Variants in GLMN observed in about 807,000 individuals in gnomAD.
The protein encoded by GLMN is glomulin.
GLMN carries 75 observed loss-of-function variants against 87.8 expected under a neutral mutation model. The observed-to-expected ratio is 0.85, with a 90% CI of 0.71 to 1.04. The LOEUF (loss-of-function observed/expected upper bound fraction) is 1.04, where lower values mean the gene tolerates loss of function less well. Ranked by LOEUF, GLMN falls within the 50% of genes least tolerant of loss-of-function variation. The probability of loss-of-function intolerance (pLI) is 0.00; values close to 1 mark genes in which losing one functional copy is unlikely to be tolerated. For missense variants in GLMN, 588 were observed against 658.8 expected, an observed-to-expected ratio of 0.89 and a Z score of 1.18; for synonymous variants, 206 against 221.6, an observed-to-expected ratio of 0.93 and a Z score of 0.63.
the GLMN span, among the ~76,000 whole-genome samples, chr1:92,366,557 CA>C: frequency 6.6e-6 from 1 of 152,110 alleles, no homozygotes; most frequent in African/African-American, 2.4e-5. Context: ...CCAGGGGCCA[CA>C]TGTGAGACAG....
rs768357425 is a variant in GLMN, at chr1:92,268,114, G to A, written c.999C>T (p.Ser333=). The A allele has an allele frequency of 6.9e-7, 1 of 1,448,086 alleles. No individual in the cohort carries two copies. The highest frequency in any genetic ancestry group is 9.7e-7 in the Non-Finnish European group (1 of 1,029,812). The allele number at this position is 1,448,086 out of a possible 1,614,324, so 89.7% of individuals were successfully genotyped here. A position where few individuals can be genotyped will look rare whatever the true frequency, so the allele number is the denominator to read the frequency against. Residue 333 remains serine (S), a synonymous_variant, in exon 10 of 19, where the codon TCC becomes TCT. Transcript: ENST00000370360. The part of the protein sequence containing the change: ...FLQRTEESVI[S]KGLELLENSL... ...GGAACAAACATCTTACCAATCCTTTGGAGATAACAGACTCTTCTGTTCTGA... is the reference window on the plus strand; with the variant it reads ...GGAACAAACATCTTACCAATCCTTTAGAGATAACAGACTCTTCTGTTCTGA...
chr1:92,323,671 A>G, the GLMN span: 1 of 1,613,740 alleles, frequency 6.2e-7, no homozygotes, highest in East Asian at 2.2e-5. Context: ...AATGAAAAAG[A>G]AAGCTGGTCA....
intron 5 of GLMN, 74 bp downstream of exon 5, chr1:92,290,124 T>C (rs945242622): frequency 2.3e-5 from 20 of 857,146 alleles, no homozygotes; most frequent in African/African-American, 6.6e-5. Flanking sequence ...TGGTGTAGTA[T>C]TGACATTTTG....
upstream of GLMN, among the ~76,000 whole-genome samples, chr1:92,302,152 C>G (rs1347674050): frequency 6.6e-6 from 1 of 152,052 alleles, no homozygotes; most frequent in Non-Finnish European, 1.5e-5. Context: ...TGGCTCATGC[C>G]TGTAATCCCA....
At chr1:92,313,314 T>A in the GLMN span, among the ~76,000 whole-genome samples, 37 of 152,330 alleles carry the variant, frequency 2.4e-4, 1 homozygote, top group African/African-American at 8.7e-4. Flanking sequence ...AAATTACTCC[T>A]TGACCCATGG....
the GLMN span, among the ~76,000 whole-genome samples, chr1:92,304,798 T>G: frequency 4.6e-5 from 7 of 152,144 alleles, no homozygotes; most frequent in African/African-American, 1.4e-4. Context: ...TATACATAGA[T>G]CAATTTTAGG....
At chr1:92,270,832 G>A (rs1388339370) in intron 8 of GLMN, among the ~76,000 whole-genome samples, 1 of 152,060 alleles carries the variant, frequency 6.6e-6, no homozygotes, top group Non-Finnish European at 1.5e-5. Flanking sequence ...CATATACAAA[G>A]GCCAAATAGG....
intron 9 of GLMN, 147 bp downstream of exon 9, chr1:92,269,576 C>G (rs1656016758): frequency 1.6e-6 from 1 of 640,920 alleles, no homozygotes. Flanking sequence ...ATTTCTGTCT[C>G]TCTCGTGAAT....
chr1:92,347,407 G>A, the GLMN span, among the ~76,000 whole-genome samples: 1 of 152,116 alleles, frequency 6.6e-6, no homozygotes, highest in Non-Finnish European at 1.5e-5. Context: ...CTGTAGTTCT[G>A]CAATTCATTA....
chr1:92,346,163 T>C, the GLMN span, among the ~76,000 whole-genome samples: 2 of 147,066 alleles, frequency 1.4e-5, no homozygotes, highest in African/African-American at 2.7e-5. Flanking sequence ...TTTTCATCTC[T>C]TTTTTGTTTT....
At chr1:92,264,191 T>C (rs543587891) in intron 14 of GLMN, among the ~76,000 whole-genome samples, 1 of 152,190 alleles carries the variant, frequency 6.6e-6, no homozygotes, top group Non-Finnish European at 1.5e-5. Context: ...TGGACACCTG[T>C]AGTCCCAATT....
At chr1:92,314,969 C>T in the GLMN span, among the ~76,000 whole-genome samples, 1 of 152,006 alleles carries the variant, frequency 6.6e-6, no homozygotes, top group African/African-American at 2.4e-5. Context: ...CTCTTGAACC[C>T]GAGAGGCAGA....
chr1:92,267,967 G>A lies in GLMN; in HGVS notation c.1044C>T (p.Asp348=). ...CTAAGTACTGGTAAAGTAGACTATT[G>A]TCTTCTATTCTCAATAAACTATTCT... ...LLENSLLRIE[D]NSLLYQYLEI... The change falls in exon 11 of 19, where the codon GAC becomes GAT. Residue 348 remains aspartate (D), a synonymous_variant. Coordinates refer to ENST00000370360, the MANE Select transcript of GLMN (RefSeq NM_053274.3). 1.3e-6 allele frequency: 2 copies of A among 1,566,372 alleles called. No individual in the cohort carries two copies. Among genetic ancestry groups the A allele is most frequent in the Non-Finnish European group, 1.8e-6 (2 of 1,136,630 alleles).
chr1:92,280,233 G>A (rs1303385168), intron 7 of GLMN, among the ~76,000 whole-genome samples: 1 of 152,226 alleles, frequency 6.6e-6, no homozygotes, highest in Non-Finnish European at 1.5e-5. Context: ...ACCTCAAACA[G>A]GCGGGTGCCC....
chr1:92,332,801 C>G, the GLMN span, among the ~76,000 whole-genome samples: 2 of 152,156 alleles, frequency 1.3e-5, no homozygotes, highest in Non-Finnish European at 2.9e-5. Context: ...TGCTCAATTT[C>G]TCAATATCTA....
At chr1:92,369,055 A>G in the GLMN span, among the ~76,000 whole-genome samples, 1 of 152,232 alleles carries the variant, frequency 6.6e-6, no homozygotes. Context: ...GTGTTAAGCC[A>G]TCTTAAGTGT....
Position 92,271,661 on chromosome 1 carries a change from TG to T in GLMN, c.736-10del. 1 of 1,601,344 alleles carries T rather than the reference TG, an allele frequency of 6.2e-7. No individual in the cohort carries two copies. The highest frequency in any genetic ancestry group is 1.1e-5 in the South Asian group (1 of 90,788). On this transcript the variant is annotated splice_polypyrimidine_tract_variant and intron_variant, in intron 7 of 18. Coordinates refer to ENST00000370360, the MANE Select transcript of GLMN (RefSeq NM_053274.3). The stretch of plus-strand genomic sequence containing the variant: ...ATTGCTGATAAAAAACCCTATGAAA[TG>T]GATAAAAAAGGAAACCATAGCACAC...
chr1:92,256,976 C>T (rs1234290649), intron 16 of GLMN, among the ~76,000 whole-genome samples: 1 of 152,152 alleles, frequency 6.6e-6, no homozygotes, highest in African/African-American at 2.4e-5. Context: ...TCTCTGTTTG[C>T]AGATAACGTG....
chr1:92,340,581 C>T, the GLMN span, among the ~76,000 whole-genome samples: 1 of 152,114 alleles, frequency 6.6e-6, no homozygotes, highest in East Asian at 1.9e-4. Context: ...TATAGATGTC[C>T]GGCTCCACCC....
Sources: allele counts gnomAD v4.1 joint callset (sites outside exome capture counted in the v4.1 genomes callset), GRCh38; gene constraint gnomAD v4.1.1; transcripts MANE v1.5; gene names NCBI Gene and HGNC (gene_info 2026-07-23, HGNC 2026-07-21).